GFRA3: variants seen among roughly 807,000 people sequenced by gnomAD.
GFRA3 encodes GDNF family receptor alpha-3.
GFRA3 carries 24 observed loss-of-function variants against 40.0 expected under a neutral mutation model. The ratio of observed to expected loss-of-function variants is 0.60; its 90% CI spans 0.43 to 0.84. The LOEUF is 0.84. Among genes scored for constraint, GFRA3 ranks in the 40% least tolerant of loss-of-function variants. GFRA3 has a pLI of 0.00. For synonymous variants in GFRA3, 203 were observed against 213.5 expected (o/e 0.95, Z 0.43); for missense variants, 405 against 530.6 (o/e 0.76, Z 2.33).
In GFRA3 at chr5:138,253,359, A is replaced by G; in HGVS notation, c.1041T>C (p.Ala347=). 2 of 1,598,872 alleles carry G rather than the reference A, an allele frequency of 1.3e-6. No homozygotes were observed. Among genetic ancestry groups the G allele is most frequent in the Non-Finnish European group, 1.7e-6 (2 of 1,171,064 alleles). ...AGAGTTGGCTGTGAAAACGCATCTT[A>G]GCTGCAATGGCCTCCGCTGAAGAGA... is the stretch of plus-strand genomic sequence containing the variant. ...HNPCLTEAIA[A]KMRFHSQLFS... The change falls in exon 7 of 8, where the codon GCT becomes GCC. Residue 347 remains alanine, a synonymous_variant. Transcript: ENST00000274721.
At chr5:138,269,610 G>A (rs559378919) in intron 1 of GFRA3, among the ~76,000 whole-genome samples, 6 of 151,302 alleles carry the variant, frequency 4.0e-5, no homozygotes, top group Non-Finnish European at 5.9e-5. Flanking sequence ...TTGGGAAGCC[G>A]AGGTAGGCAG....
chr5:138,274,342 A>G lies in GFRA3; in HGVS notation c.83T>C (p.Leu28Pro). 7.5e-7 allele frequency: 1 copy of G among 1,342,108 alleles called. No individual in the cohort carries two copies. The highest frequency in any genetic ancestry group is 9.6e-7 in the Non-Finnish European group (1 of 1,041,454). 83.1% of individuals were successfully genotyped at this position (1,342,108 alleles called of 1,614,324 possible). Residue 28 changes from leucine to proline, a missense_variant, in exon 1 of 8, where the codon CTC (leucine) becomes CCC (proline). Physicochemically the swap from Leu to Pro is moderately conservative, Grantham distance 98. Transcript: ENST00000274721. ...CGCGCTCTGACACTCACCGGCTGCG[A>G]GAGGCAGCGGCGACGGCGGCAGCAG... ...LLLLPPSPLP[L>P]AAGDPLPTES... is the part of the protein sequence containing the mutation.
chr5:138,256,199 C>T (rs912021301), intron 4 of GFRA3, among the ~76,000 whole-genome samples: 1 of 148,848 alleles, frequency 6.7e-6, no homozygotes, highest in African/African-American at 2.5e-5. Flanking sequence ...CCACTGCACT[C>T]CAGCCTGGGT....
chr5:138,253,780 T>C lies in GFRA3; in HGVS notation c.1010A>G (p.His337Arg). The C allele has an allele frequency of 6.2e-7, 1 of 1,613,984 alleles. No homozygotes were observed. Among genetic ancestry groups the C allele is most frequent in the Non-Finnish European group, 8.5e-7 (1 of 1,179,952 alleles). The change falls in exon 6 of 8, where the codon CAC becomes CGC. Residue 337 changes from histidine to arginine, a missense_variant. By Grantham distance (29) the His-to-Arg change is conservative. Transcript: ENST00000274721. ...AGCACACTCACTGAGGCAGGGGTTGTGGGAGAAGAACCCTTCCAGCATTTC... is the reference window on the plus strand; with the variant it reads ...AGCACACTCACTGAGGCAGGGGTTGCGGGAGAAGAACCCTTCCAGCATTTC... ...ECEMLEGFFS[H>R]NPCLTEAIAA...
At position 138,259,622 on chromosome 5, in the gene GFRA3, T is replaced by G; in HGVS notation, c.407A>C (p.Tyr136Ser). ...GGGTTTGCTGGTCACTGTGTCTTCA[T>G]AGGGGGAGACATCCAGCTCATAGTT... Reference protein sequence around the residue: ...LGNYELDVSPYEDTVTSKPWK... With the variant: ...LGNYELDVSPSEDTVTSKPWK... Residue 136 changes from tyrosine (Y) to serine (S), a missense_variant, in exon 3 of 8, where the codon TAT (tyrosine) becomes TCT (serine). Transcript: ENST00000274721. The G allele has an allele frequency of 2.0e-6, 3 of 1,518,654 alleles. No homozygotes were observed. Among genetic ancestry groups the G allele is most frequent in the Non-Finnish European group, 2.7e-6 (3 of 1,092,998 alleles). The allele number at this position is 1,518,654 out of a possible 1,614,324, so 94.1% of individuals were successfully genotyped here. A position where few individuals can be genotyped will look rare whatever the true frequency, so the allele number is the denominator to read the frequency against.
intron 4 of GFRA3, among the ~76,000 whole-genome samples, chr5:138,256,806 G>T (rs1347170836): frequency 6.6e-6 from 1 of 151,838 alleles, no homozygotes. Context: ...AATTAGCTGG[G>T]CATGGTGGCA....
chr5:138,263,124 C>T (rs1335451506), intron 2 of GFRA3, among the ~76,000 whole-genome samples: 1 of 152,034 alleles, frequency 6.6e-6, no homozygotes, highest in Non-Finnish European at 1.5e-5. Context: ...CACCACCATG[C>T]CCAGCTAATT....
At chr5:138,269,485 G>A (rs990987245) in intron 1 of GFRA3, among the ~76,000 whole-genome samples, 1 of 150,974 alleles carries the variant, frequency 6.6e-6, no homozygotes, top group South Asian at 2.1e-4. Flanking sequence ...TCAGTGAGCC[G>A]AGATCAAGCC....
chr5:138,262,245 A>T (rs1206716629), intron 2 of GFRA3, among the ~76,000 whole-genome samples: 1 of 152,148 alleles, frequency 6.6e-6, no homozygotes, highest in Non-Finnish European at 1.5e-5. Context: ...ATGTGGCCAA[A>T]GAGAAAACTG....
At chr5:138,271,368 C>T (rs1755866754) in intron 1 of GFRA3, among the ~76,000 whole-genome samples, 1 of 152,050 alleles carries the variant, frequency 6.6e-6, no homozygotes, top group African/African-American at 2.4e-5. Flanking sequence ...GACACTTTAC[C>T]AAGTTTGAGC....
In GFRA3 at chr5:138,257,915, G is replaced by T. The variant is rs1183313151; in HGVS notation, c.509C>A (p.Thr170Asn). 1 of 1,614,008 alleles carries T rather than the reference G, an allele frequency of 6.2e-7. No homozygotes were observed. The highest frequency in any genetic ancestry group is 8.5e-7 in the Non-Finnish European group (1 of 1,180,008). Residue 170 changes from threonine to asparagine, a missense_variant, in exon 4 of 8, where the codon ACT becomes AAT. By Grantham distance (65) the Thr-to-Asn change is moderately conservative (BLOSUM62 0). Transcript: ENST00000274721. ...CAGCCGGTCACACTTGTCATTGAGA[G>T]TACACAGCATGGCAAACTTGAGGCA... ...DLCLKFAMLC[T>N]LNDKCDRLRK... is the part of the protein sequence containing the mutation.
intron 2 of GFRA3, 105 bp downstream of exon 2, chr5:138,264,156 C>A: frequency 2.3e-6 from 2 of 887,184 alleles, no homozygotes; most frequent in Admixed American, 2.4e-5. Context: ...GCTTCATTAT[C>A]CTCCTCCTCA....
intron 3 of GFRA3, among the ~76,000 whole-genome samples, chr5:138,258,837 T>C (rs1457880020): frequency 6.6e-6 from 1 of 152,254 alleles, no homozygotes; most frequent in African/African-American, 2.4e-5. Context: ...TGGGAAATTA[T>C]GGTGATATTT....
chr5:138,266,243 C>T (rs1488549746), intron 1 of GFRA3, among the ~76,000 whole-genome samples: 3 of 151,900 alleles, frequency 2.0e-5, no homozygotes, highest in Admixed American at 6.6e-5. Flanking sequence ...TTTGAGGAAC[C>T]GCCAAATTGT....
At chr5:138,274,043 G>A (rs1324007696) in intron 1 of GFRA3, among the ~76,000 whole-genome samples, 2 of 152,186 alleles carry the variant, frequency 1.3e-5, no homozygotes, top group African/African-American at 4.8e-5. Context: ...GTTGTTCTGT[G>A]ACTGTGTAGA....
chr5:138,263,085 TTCCCAAGTAGCC>T (rs1755734816), intron 2 of GFRA3, among the ~76,000 whole-genome samples: 1 of 152,016 alleles, frequency 6.6e-6, no homozygotes, highest in Non-Finnish European at 1.5e-5. Context: ...CTGCCTCAGC[TTCCCAAGTAGCC>T]TGGGATTACA....
intron 4 of GFRA3, among the ~76,000 whole-genome samples, chr5:138,256,207 G>C (rs1755625876): frequency 6.9e-6 from 1 of 145,666 alleles, no homozygotes; most frequent in Non-Finnish European, 1.5e-5. Context: ...CTCCAGCCTG[G>C]GTGACAAAAC....
At chr5:138,269,101 T>C (rs966469042) in intron 1 of GFRA3, among the ~76,000 whole-genome samples, 9 of 152,090 alleles carry the variant, frequency 5.9e-5, no homozygotes, top group Admixed American at 5.9e-4. Flanking sequence ...ACCAACTTAC[T>C]ACTTCAAGAA....
intron 1 of GFRA3, among the ~76,000 whole-genome samples, chr5:138,265,362 G>A (rs1408848230): frequency 2.6e-5 from 4 of 151,872 alleles, no homozygotes; most frequent in South Asian, 2.1e-4. Flanking sequence ...GATTACAGGC[G>A]TGCGCCATCA....
Sources: gnomAD v4.1 joint callset for allele counts (sites outside exome capture counted in the v4.1 genomes callset) on GRCh38, gnomAD v4.1.1 for gene constraint, MANE v1.5 for transcripts, NCBI Gene and HGNC (gene_info 2026-07-23, HGNC 2026-07-21) for gene names.